Variants in CCDC102B observed in about 807,000 individuals in gnomAD.
CCDC102B encodes the protein coiled-coil domain containing 102B.
CCDC102B carries 75 observed loss-of-function variants against 57.4 expected under a neutral mutation model. That is an observed-to-expected ratio of 1.31 (90% CI 1.08 to 1.58). The LOEUF is 1.58. Ranked by LOEUF, CCDC102B falls within the 40% of genes most tolerant of loss-of-function variation. The probability of loss-of-function intolerance (pLI) is 0.00; values close to 1 mark genes in which losing one functional copy is unlikely to be tolerated. For synonymous variants in CCDC102B, 206 were observed against 201.9 expected, an observed-to-expected ratio of 1.02 and a Z score of -0.17; for missense variants, 636 against 582.6, an observed-to-expected ratio of 1.09 and a Z score of -0.94.
chr18:68,905,106 T>G lies in CCDC102B; in HGVS notation c.1263+7678T>G, dbSNP rs564948041. ...AATATAAGGTTATTGGAAGTTTATA[T>G]TATTCTTTAAAATCTCCTTCATGTG... On this transcript the variant is annotated intron_variant, in intron 6 of 7. Transcript: ENST00000360242. 5.4e-4 allele frequency among the ~76,000 whole-genome samples: 81 copies of G among 151,210 alleles called. 1 individual carries two copies. The Middle Eastern group carries it at 0.011, about 20-fold the overall frequency.
intron 2 of CCDC102B, among the ~76,000 whole-genome samples, chr18:68,731,195 A>G (rs1196554489): frequency 6.6e-6 from 1 of 152,138 alleles, no homozygotes; most frequent in African/African-American, 2.4e-5. Flanking sequence ...CATGTTGGCC[A>G]GGCTGGTCTT....
At chr18:68,807,543 G>C (rs1045657846) in intron 1 of CCDC102B, among the ~76,000 whole-genome samples, 2 of 152,270 alleles carry the variant, frequency 1.3e-5, no homozygotes, top group East Asian at 1.9e-4. Context: ...TTTGAGAAAT[G>C]TAAGAGTTTA....
At chr18:68,798,725 C>T (rs1231483089) in intron 1 of CCDC102B, among the ~76,000 whole-genome samples, 1 of 151,918 alleles carries the variant, frequency 6.6e-6, no homozygotes, top group Non-Finnish European at 1.5e-5. Context: ...TTACATGCTA[C>T]CTGTATAGTG....
chr18:68,735,645 C>T (rs1230199978), intron 2 of CCDC102B, among the ~76,000 whole-genome samples: 1 of 152,138 alleles, frequency 6.6e-6, no homozygotes, highest in Non-Finnish European at 1.5e-5. Flanking sequence ...AATGAAAACC[C>T]AACTCCTCAC....
chr18:68,890,044 C>T (rs1406672127), intron 5 of CCDC102B, among the ~76,000 whole-genome samples: 2 of 152,194 alleles, frequency 1.3e-5, no homozygotes, highest in Non-Finnish European at 2.9e-5. Context: ...GCCATCTTCA[C>T]TTTCCTTGCA....
chr18:68,748,871 A>T (rs2033734021), intron 2 of CCDC102B, among the ~76,000 whole-genome samples: 1 of 152,136 alleles, frequency 6.6e-6, no homozygotes, highest in Non-Finnish European at 1.5e-5. Context: ...AAAGCATAGG[A>T]GGGAAATGGA....
At chr18:68,944,645 G>A (rs2049480790) in intron 6 of CCDC102B, among the ~76,000 whole-genome samples, 1 of 24,004 alleles carries the variant, frequency 4.2e-5, no homozygotes, top group Non-Finnish European at 8.4e-5. Flanking sequence ...TGGTGATTAG[G>A]TTAACATTAT....
intron 2 of CCDC102B, among the ~76,000 whole-genome samples, chr18:68,789,778 T>C (rs1467172821): frequency 6.8e-6 from 1 of 146,892 alleles, no homozygotes; most frequent in Non-Finnish European, 1.5e-5. Flanking sequence ...GGTTTGAATG[T>C]CCTCCCGTAG....
At chr18:68,918,578 G>C (rs2041160674) in intron 6 of CCDC102B, among the ~76,000 whole-genome samples, 1 of 152,122 alleles carries the variant, frequency 6.6e-6, no homozygotes, top group South Asian at 2.1e-4. Flanking sequence ...TATAGATTTG[G>C]AGCTGTTAAA....
At chr18:69,035,271 C>T (rs1678513480) in intron 7 of CCDC102B, among the ~76,000 whole-genome samples, 1 of 151,998 alleles carries the variant, frequency 6.6e-6, no homozygotes, top group South Asian at 2.1e-4. Context: ...GTCCAGTAGG[C>T]AAGGATGCTA....
chr18:69,016,737 GTCTTC>G (rs2145409246), intron 7 of CCDC102B, among the ~76,000 whole-genome samples: 1 of 152,216 alleles, frequency 6.6e-6, no homozygotes, highest in South Asian at 2.1e-4. Flanking sequence ...TAATCAGTCA[GTCTTC>G]TCTTGATGAA....
intron 5 of CCDC102B, among the ~76,000 whole-genome samples, chr18:68,887,508 G>C (rs2039931770): frequency 6.6e-6 from 1 of 152,204 alleles, no homozygotes; most frequent in Admixed American, 6.5e-5. Flanking sequence ...AGAGTCTTAT[G>C]TAATCGATCC....
chr18:68,970,670 A>G (rs2050277882), intron 6 of CCDC102B, among the ~76,000 whole-genome samples: 1 of 151,970 alleles, frequency 6.6e-6, no homozygotes. Context: ...CTAACTTGGA[A>G]TGGCCTCTAG....
intron 2 of CCDC102B, among the ~76,000 whole-genome samples, chr18:68,747,053 C>G (rs1267704273): frequency 6.6e-6 from 1 of 151,988 alleles, no homozygotes; most frequent in Non-Finnish European, 1.5e-5. Context: ...CATCCATCAT[C>G]TCAACCATTT....
At chr18:69,021,492 T>G (rs2051831893) in intron 7 of CCDC102B, among the ~76,000 whole-genome samples, 3 of 152,174 alleles carry the variant, frequency 2.0e-5, no homozygotes, top group Admixed American at 2.0e-4. Flanking sequence ...GTAATATTTA[T>G]TACTTCCTAA....
chr18:68,932,078 A>G (rs2041692967), intron 6 of CCDC102B, among the ~76,000 whole-genome samples: 1 of 151,866 alleles, frequency 6.6e-6, no homozygotes, highest in South Asian at 2.1e-4. Flanking sequence ...CTTTTCTTCT[A>G]ACATGACTTG....
At chr18:68,975,594 G>T (rs59438317) in intron 6 of CCDC102B, among the ~76,000 whole-genome samples, 19,547 of 151,818 alleles carry the variant, frequency 0.13, 1,294 homozygotes, top group East Asian at 0.21. Context: ...CATAAGTAAA[G>T]GCTAAGAACA....
chr18:68,868,088 AC>A (rs2039082923), intron 4 of CCDC102B, among the ~76,000 whole-genome samples: 1 of 151,892 alleles, frequency 6.6e-6, no homozygotes, highest in African/African-American at 2.4e-5. Flanking sequence ...AGAAAAAAAA[AC>A]TTCTTAATTT....
intron 7 of CCDC102B, among the ~76,000 whole-genome samples, chr18:69,027,274 G>A (rs1398873140): frequency 6.6e-6 from 1 of 151,952 alleles, no homozygotes; most frequent in African/African-American, 2.4e-5. Flanking sequence ...GACCTCGGTG[G>A]GTGATTTTCA....
Sources: gnomAD v4.1 joint callset for allele counts (sites outside exome capture counted in the v4.1 genomes callset) on GRCh38, gnomAD v4.1.1 for gene constraint, MANE v1.5 for transcripts, NCBI Gene and HGNC (gene_info 2026-07-23, HGNC 2026-07-21) for gene names.